The following WWOX variants were observed in gnomAD, a reference collection of about 807,000 sequenced individuals.
WWOX encodes the protein WW domain containing oxidoreductase.
A neutral mutation model predicts 46.2 loss-of-function variants in WWOX; 69 were observed. The ratio of observed to expected loss-of-function variants is 1.49; its 90% CI spans 1.23 to 1.82. The LOEUF is 1.82. Among genes scored for constraint, WWOX ranks in the 40% most tolerant of loss-of-function variants. The pLI is 0.00. For missense variants in WWOX, 919 were observed against 542.6 expected (o/e 1.69, Z -6.89); for synonymous variants, 359 against 202.6 (o/e 1.77, Z -6.56).
intron 5 of WWOX, among the ~76,000 whole-genome samples, chr16:78,189,779 T>G (rs1193896118): frequency 1.3e-5 from 2 of 152,106 alleles, no homozygotes; most frequent in Non-Finnish European, 2.9e-5. Context: ...CTCAACCTCC[T>G]AAGTAGCTGG....
intron 8 of WWOX, among the ~76,000 whole-genome samples, chr16:78,848,649 C>T (rs2052361377): frequency 6.6e-6 from 1 of 152,118 alleles, no homozygotes; most frequent in Non-Finnish European, 1.5e-5. Context: ...GCCTAATTAA[C>T]AGATTTGCCT....
chr16:78,187,655 A>AG (rs2035753465), intron 5 of WWOX, among the ~76,000 whole-genome samples: 1 of 152,202 alleles, frequency 6.6e-6, no homozygotes, highest in Non-Finnish European at 1.5e-5. Context: ...CAGTCTTTGA[A>AG]GGGTTACAGA....
At chr16:78,453,364 A>G (rs2083737121) in intron 8 of WWOX, among the ~76,000 whole-genome samples, 1 of 151,834 alleles carries the variant, frequency 6.6e-6, no homozygotes, top group Non-Finnish European at 1.5e-5. Context: ...TGGAGGTGGC[A>G]GTGAGTGGAG....
intron 5 of WWOX, among the ~76,000 whole-genome samples, chr16:78,364,139 C>T (rs992086494): frequency 6.6e-6 from 1 of 152,154 alleles, no homozygotes; most frequent in Non-Finnish European, 1.5e-5. Flanking sequence ...TATCCGTAAC[C>T]CTCCTTTCCA....
intron 4 of WWOX, among the ~76,000 whole-genome samples, chr16:78,122,339 G>C (rs1381020308): frequency 6.6e-6 from 1 of 152,052 alleles, no homozygotes; most frequent in Non-Finnish European, 1.5e-5. Context: ...CTGCATGTAG[G>C]TTTAGATTTT....
chr16:78,597,059 T>C (rs1052821638), intron 8 of WWOX, among the ~76,000 whole-genome samples: 32 of 152,322 alleles, frequency 2.1e-4, no homozygotes, highest in African/African-American at 7.5e-4. Flanking sequence ...CTCTTCTGCG[T>C]AGAAGCGCTG....
At chr16:79,086,410 T>TA (rs2048854792) in intron 8 of WWOX, among the ~76,000 whole-genome samples, 2 of 152,248 alleles carry the variant, frequency 1.3e-5, no homozygotes, top group South Asian at 4.1e-4. Context: ...TGTTTCTTGA[T>TA]ACATTTTGAG....
At chr16:79,115,948 C>G (rs911514536) in intron 8 of WWOX, among the ~76,000 whole-genome samples, 2 of 152,182 alleles carry the variant, frequency 1.3e-5, no homozygotes, top group African/African-American at 4.8e-5. Context: ...TCCAGACCAC[C>G]ACAATAAAGC....
At chr16:78,788,791 T>TGAAGTC in intron 8 of WWOX, among the ~76,000 whole-genome samples, 1 of 152,318 alleles carries the variant, frequency 6.6e-6, no homozygotes, top group African/African-American at 2.4e-5. Flanking sequence ...AGTCTCTGAC[T>TGAAGTC]TGCTATTGGT....
intron 8 of WWOX, among the ~76,000 whole-genome samples, chr16:78,469,775 C>G (rs1371221481): frequency 1.3e-5 from 2 of 152,144 alleles, no homozygotes; most frequent in South Asian, 2.1e-4. Context: ...CCCTGTTTCC[C>G]TAAGAAGAGC....
intron 8 of WWOX, among the ~76,000 whole-genome samples, chr16:78,877,912 C>G (rs1462780316): frequency 6.6e-6 from 1 of 152,196 alleles, no homozygotes; most frequent in African/African-American, 2.4e-5. Context: ...CCCACAGATA[C>G]TCCTGGATGA....
intron 6 of WWOX, among the ~76,000 whole-genome samples, chr16:78,401,979 G>T (rs748758533): frequency 1.3e-5 from 2 of 152,168 alleles, no homozygotes; most frequent in African/African-American, 2.4e-5. Context: ...GATTACAGGC[G>T]TGAGCCCCTA....
intron 5 of WWOX, among the ~76,000 whole-genome samples, chr16:78,368,432 T>G (rs1040380122): frequency 6.6e-6 from 1 of 152,198 alleles, no homozygotes; most frequent in African/African-American, 2.4e-5. Flanking sequence ...TGCTGTCCTT[T>G]GGTTTTCCTG....
rs1288036069 is a variant in WWOX at position 78,337,831 on chromosome 16, T to G, written c.517-49029T>G. On this transcript the variant is annotated intron_variant, in intron 5 of 8. Transcript: ENST00000566780. ...TTGGCTATCCTATTTCCCTTTTGTT[T>G]CCACCATGAAGAAGTGGAGAGCCGT... Among the ~76,000 whole-genome samples the G allele has an allele frequency of 1.6e-5, 2 of 122,294 alleles. 1 individual carries two copies. The highest frequency in any genetic ancestry group is 5.5e-5 in the African/African-American group (2 of 36,200). 80.2% of individuals were successfully genotyped at this position (122,294 alleles called of 152,430 possible). A position where few individuals can be genotyped will look rare whatever the true frequency, so the allele number is the denominator to read the frequency against.
chr16:78,942,307 T>G (rs560975446), intron 8 of WWOX, among the ~76,000 whole-genome samples: 2 of 152,308 alleles, frequency 1.3e-5, no homozygotes, highest in Admixed American at 1.3e-4. Flanking sequence ...TCTTCATTTG[T>G]AAGGGGTTAA....
At chr16:78,929,119 G>A (rs943195070) in intron 8 of WWOX, among the ~76,000 whole-genome samples, 11 of 152,078 alleles carry the variant, frequency 7.2e-5, no homozygotes, top group Non-Finnish European at 1.0e-4. Context: ...TGTATTTAAC[G>A]CTCTCTCAAG....
chr16:78,211,078 T>G (rs997382366), intron 5 of WWOX, among the ~76,000 whole-genome samples: 39 of 152,322 alleles, frequency 2.6e-4, no homozygotes, highest in African/African-American at 9.1e-4. Flanking sequence ...AAAGTTTGAT[T>G]AAAGATACTT....
Position 78,693,722 on chromosome 16 carries a change from G to C in WWOX, c.1056+260970G>C, listed in dbSNP as rs1038694154. Reference sequence around the variant, plus strand: ...GCTACTAATCGCCCTCTATTGCACAGGGTGGCCCTTACCACAGAGAACTAT... The same window carrying C: ...GCTACTAATCGCCCTCTATTGCACACGGTGGCCCTTACCACAGAGAACTAT... On this transcript the variant is annotated intron_variant, in intron 8 of 8. Transcript: ENST00000566780. 3.7e-4 allele frequency among the ~76,000 whole-genome samples: 56 copies of C among 152,252 alleles called. 1 individual carries two copies. Among genetic ancestry groups the C allele is most frequent in the African/African-American group, 1.3e-3 (56 of 41,548 alleles).
At chr16:78,404,958 A>C (rs570333822) in intron 6 of WWOX, among the ~76,000 whole-genome samples, 1 of 152,316 alleles carries the variant, frequency 6.6e-6, no homozygotes, top group Admixed American at 6.5e-5. Context: ...TTGGGGCACA[A>C]TTATCAAATG....
Sources: gnomAD v4.1 joint callset for allele counts (sites outside exome capture counted in the v4.1 genomes callset) on GRCh38, gnomAD v4.1.1 for gene constraint, MANE v1.5 for transcripts, NCBI Gene and HGNC (gene_info 2026-07-23, HGNC 2026-07-21) for gene names.